TXNRD1: variants seen among roughly 807,000 people sequenced by gnomAD.
TXNRD1 encodes the protein thioredoxin reductase 1, also known as thioredoxin reductase 1, cytoplasmic.
In TXNRD1, 57 loss-of-function variants were observed where a neutral mutation model predicts 80.3. The observed-to-expected ratio is 0.71, with a 90% CI of 0.57 to 0.89. The LOEUF (loss-of-function observed/expected upper bound fraction) is 0.89. TXNRD1 is among the 40% of genes least tolerant of loss of function. The probability of loss-of-function intolerance (pLI) is 0.00; values close to 1 mark genes in which losing one functional copy is unlikely to be tolerated. For missense variants in TXNRD1, 730 were observed against 803.0 expected, an observed-to-expected ratio of 0.91 and a Z score of 1.10; for synonymous variants, 291 against 285.2, an observed-to-expected ratio of 1.02 and a Z score of -0.20.
At chr12:104,272,206 G>A (rs187155116) in intron 3 of TXNRD1, among the ~76,000 whole-genome samples, 4 of 152,328 alleles carry the variant, frequency 2.6e-5, no homozygotes, top group East Asian at 1.9e-4. Context: ...CACACACTTC[G>A]ATAAGGGAGA....
intron 1 of TXNRD1, among the ~76,000 whole-genome samples, chr12:104,237,180 G>A (rs2032758387): frequency 6.6e-6 from 1 of 152,224 alleles, no homozygotes; most frequent in Middle Eastern, 3.4e-3. Flanking sequence ...TTGAGTTTTG[G>A]GGTATCAAAT....
intron 14 of TXNRD1, among the ~76,000 whole-genome samples, chr12:104,333,477 A>G (rs1593864563): frequency 1.3e-5 from 2 of 152,150 alleles, no homozygotes. Flanking sequence ...TTTTTCCTAT[A>G]TAATTGTGAT....
At chr12:104,291,195 T>TA in intron 4 of TXNRD1, 3 of 306,398 alleles carry the variant, frequency 9.8e-6, no homozygotes, top group Non-Finnish European at 1.2e-5. Flanking sequence ...CTACTTTGTG[T>TA]CTTTTTTTTT....
At chr12:104,316,542 A>G (rs1177133100) in intron 7 of TXNRD1, among the ~76,000 whole-genome samples, 1 of 152,118 alleles carries the variant, frequency 6.6e-6, no homozygotes, top group Non-Finnish European at 1.5e-5. Context: ...GGCGCCTGCC[A>G]CCACGCCTGG....
intron 1 of TXNRD1, among the ~76,000 whole-genome samples, chr12:104,216,162 G>T (rs2032203501): frequency 6.6e-6 from 1 of 152,262 alleles, no homozygotes; most frequent in Non-Finnish European, 1.5e-5. Context: ...GCGAGGACCT[G>T]CCCGGAAACC....
chr12:104,281,696 G>A (rs1261741062), intron 3 of TXNRD1, among the ~76,000 whole-genome samples: 2 of 151,826 alleles, frequency 1.3e-5, no homozygotes, highest in Admixed American at 6.6e-5. Flanking sequence ...ATGAGCCACC[G>A]AGCCCGGCCA....
At chr12:104,298,594 C>T (rs192609039) in intron 4 of TXNRD1, among the ~76,000 whole-genome samples, 18 of 152,132 alleles carry the variant, frequency 1.2e-4, no homozygotes, top group South Asian at 4.2e-4. Context: ...CGCGGTGGCA[C>T]ACACGTGTAA....
chr12:104,277,982 T>C (rs1032328851), intron 3 of TXNRD1, among the ~76,000 whole-genome samples: 29 of 151,040 alleles, frequency 1.9e-4, no homozygotes, highest in African/African-American at 6.8e-4. Flanking sequence ...GTTCACTCCA[T>C]TCTCCTGCCT....
chr12:104,287,528 C>T lies in TXNRD1; in HGVS notation c.305-1403C>T, dbSNP rs1156435874. 12 of 1,585,560 alleles carry T rather than the reference C, an allele frequency of 7.6e-6. No homozygotes were observed. In the African/African-American group the frequency reaches 1.6e-4, roughly 21 times the overall value. ...CCTTGAGAATATTAAGAAAGTATAACTATGTAAGAATGCTTCTCTAGGAAT... is the reference window on the plus strand; with the variant it reads ...CCTTGAGAATATTAAGAAAGTATAATTATGTAAGAATGCTTCTCTAGGAAT... On this transcript the variant is annotated intron_variant, in intron 3 of 16. Coordinates refer to ENST00000525566, the MANE Select transcript of TXNRD1 (RefSeq NM_001093771.3).
At chr12:104,253,441 TAAG>T (rs779027087) in intron 2 of TXNRD1, among the ~76,000 whole-genome samples, 31 of 152,180 alleles carry the variant, frequency 2.0e-4, no homozygotes, top group Admixed American at 1.2e-3. Context: ...AACATAGGCT[TAAG>T]AAGAAAAATG....
chr12:104,286,602 T>TG (rs2033975945), intron 3 of TXNRD1: 1 of 489,618 alleles, frequency 2.0e-6, no homozygotes. Context: ...TTTTTTTTTT[T>TG]AAACGCAGAG....
chr12:104,304,776 C>A (rs748245058), intron 4 of TXNRD1: 1 of 1,613,886 alleles, frequency 6.2e-7, no homozygotes, highest in Admixed American at 1.7e-5. Context: ...GACAGGCTGC[C>A]AATATTAGAG....
rs571272784 is a variant in TXNRD1, at chr12:104,331,396, A to G, written c.1543-138A>G. On this transcript the variant is annotated intron_variant, in intron 13 of 16. Transcript: ENST00000525566. ...CAATGTAGTAGATTAATTAATTAATATCTCGGATTGAGACTTCACATACTT... is the reference window on the plus strand; with the variant it reads ...CAATGTAGTAGATTAATTAATTAATGTCTCGGATTGAGACTTCACATACTT... The G allele has an allele frequency of 1.1e-4, 57 of 527,516 alleles. 2 individuals are homozygous for G. The South Asian group carries it at 1.3e-3, about 12-fold the overall frequency. The allele number at this position is 527,516 out of a possible 1,614,324, so 32.7% of individuals were successfully genotyped here.
At chr12:104,327,053 C>T (rs953701333) in intron 12 of TXNRD1, among the ~76,000 whole-genome samples, 1 of 148,074 alleles carries the variant, frequency 6.8e-6, no homozygotes, top group South Asian at 2.2e-4. Context: ...CTACCCACAT[C>T]AGCCTCCCAA....
chr12:104,245,517 C>CAAAAAAAAAAAAAAAAAAAA (rs10622971), intron 1 of TXNRD1, among the ~76,000 whole-genome samples: 2 of 29,262 alleles, frequency 6.8e-5, no homozygotes, highest in African/African-American at 9.9e-5. Flanking sequence ...AACTCCATCT[C>CAAAAAAAAAAAAAAAAAAAA]AAAAAAAAAA....
intron 2 of TXNRD1, among the ~76,000 whole-genome samples, chr12:104,253,929 G>A (rs1463161140): frequency 2.0e-5 from 3 of 152,160 alleles, no homozygotes; most frequent in Admixed American, 6.5e-5. Context: ...TGAGCTTGTC[G>A]TGATCCTCCC....
At chr12:104,308,678 C>T (rs754389653) in intron 4 of TXNRD1, among the ~76,000 whole-genome samples, 117 of 151,964 alleles carry the variant, frequency 7.7e-4, no homozygotes, top group Non-Finnish European at 1.3e-3. Flanking sequence ...CTGTAGCAGC[C>T]ACCACAGTCA....
At chr12:104,323,699 C>T (rs999093272) in intron 10 of TXNRD1, among the ~76,000 whole-genome samples, 2 of 133,410 alleles carry the variant, frequency 1.5e-5, no homozygotes, top group Admixed American at 1.4e-4. Flanking sequence ...CACCTCCCTC[C>T]CGGACGGGGC....
chr12:104,300,099 C>CT (rs1565886296), intron 4 of TXNRD1, among the ~76,000 whole-genome samples: 1 of 152,210 alleles, frequency 6.6e-6, no homozygotes, highest in Non-Finnish European at 1.5e-5. Flanking sequence ...CTCGTGACTT[C>CT]TTCCTTTATT....
Sources: allele counts gnomAD v4.1 joint callset (sites outside exome capture counted in the v4.1 genomes callset), GRCh38; gene constraint gnomAD v4.1.1; transcripts MANE v1.5; gene names NCBI Gene and HGNC (gene_info 2026-07-23, HGNC 2026-07-21).